The following GNAI2 variants were observed in gnomAD, a reference collection of about 807,000 sequenced individuals.
GNAI2 encodes G protein subunit alpha i2.
Under a neutral mutation model 36.8 loss-of-function variants are expected in GNAI2, and 4 were observed. The ratio of observed to expected loss-of-function variants is 0.11; its 90% CI spans 0.05 to 0.25. GNAI2 has a LOEUF of 0.25. Among genes scored for constraint, GNAI2 ranks in the 10% least tolerant of loss-of-function variants. The pLI, the probability that GNAI2 is intolerant of heterozygous loss-of-function variation, is 1.00. For missense variants in GNAI2, 230 were observed against 481.3 expected (o/e 0.48, Z 4.89); for synonymous variants, 194 against 194.1 (o/e 1.00, Z 0.01).
chr3:50,251,728 T>C, intron 1 of GNAI2: 2 of 1,321,172 alleles, frequency 1.5e-6, no homozygotes, highest in South Asian at 1.2e-5. Context: ...CATATTGGCA[T>C]GCACCAGCTG....
Position 50,236,579 on chromosome 3 carries a change from A to T in GNAI2, c.118+126A>T. On this transcript the variant is annotated intron_variant, in intron 1 of 8. Coordinates refer to ENST00000313601, the MANE Select transcript of GNAI2 (RefSeq NM_002070.4). The surrounding 1 kb of genome is among the most constrained non-coding windows in gnomAD (Gnocchi z 4.0). ...CTGTCTGGGACCCCACACCTGGGCC[A>T]GGACCAGGGTTGAAAACTCTAGATT... 1 of 1,315,838 alleles carries T rather than the reference A, an allele frequency of 7.6e-7. No individual in the cohort carries two copies. The highest frequency in any genetic ancestry group is 1.0e-6 in the Non-Finnish European group (1 of 994,474). The allele number at this position is 1,315,838 out of a possible 1,614,324, so 81.5% of individuals were successfully genotyped here.
chr3:50,258,065 C>A, intron 8 of GNAI2: 1 of 192,372 alleles, frequency 5.2e-6, no homozygotes, highest in Middle Eastern at 2.0e-3. Context: ...CCAGCGGAGC[C>A]CAGCCCTGCT....
chr3:50,249,593 A>G (rs1700507118), intron 1 of GNAI2, among the ~76,000 whole-genome samples: 1 of 152,200 alleles, frequency 6.6e-6, no homozygotes. Flanking sequence ...CCCCAGCCAC[A>G]GCGCCCCAGC....
In GNAI2 at chr3:50,257,548, A is replaced by T; in HGVS notation, c.926A>T (p.Glu309Val). ...GCCAGCTACATCCAGAGTAAGTTTGAGGACCTGAATAAGCGCAAAGACACC... is the reference window on the plus strand; with the variant it reads ...GCCAGCTACATCCAGAGTAAGTTTGTGGACCTGAATAAGCGCAAAGACACC... Reference protein sequence around the residue: ...EAASYIQSKFEDLNKRKDTKE... With the variant: ...EAASYIQSKFVDLNKRKDTKE... The change falls in exon 8 of 9, where the codon GAG becomes GTG. Residue 309 changes from glutamate (E) to valine (V), a missense_variant. By Grantham distance (121) the Glu-to-Val change is moderately radical. This residue lies in a region of GNAI2 where 51 missense variants were observed against 56.7 expected (regional missense o/e 0.90). Coordinates refer to ENST00000313601, the MANE Select transcript of GNAI2 (RefSeq NM_002070.4). 1 of 1,592,406 alleles carries T rather than the reference A, an allele frequency of 6.3e-7. No individual in the cohort carries two copies. Among genetic ancestry groups the T allele is most frequent in the East Asian group, 2.3e-5 (1 of 44,314 alleles).
chr3:50,245,695 A>G (rs754267737), intron 1 of GNAI2, among the ~76,000 whole-genome samples: 30 of 152,162 alleles, frequency 2.0e-4, no homozygotes, highest in Non-Finnish European at 3.8e-4. Flanking sequence ...CCTCCTTTAT[A>G]TCAGGCCAGC....
At chr3:50,248,818 G>T (rs1700480004) in intron 1 of GNAI2, among the ~76,000 whole-genome samples, 2 of 152,118 alleles carry the variant, frequency 1.3e-5, no homozygotes, top group Non-Finnish European at 2.9e-5. Context: ...GAAACTTGAA[G>T]GGGACAGGGA....
upstream of GNAI2, chr3:50,236,152 C>T (rs1700160153): frequency 3.5e-6 from 4 of 1,156,554 alleles, no homozygotes; most frequent in Non-Finnish European, 4.3e-6. This position sits in a 1 kb window ranked among gnomAD's most constrained non-coding sequence, Gnocchi z 4.0. Context: ...CCAGGCCCCA[C>T]CCCCGGCCCG....
At chr3:50,248,680 T>C (rs966275406) in intron 1 of GNAI2, among the ~76,000 whole-genome samples, 29 of 152,190 alleles carry the variant, frequency 1.9e-4, no homozygotes, top group Non-Finnish European at 1.5e-5. Flanking sequence ...GAGACCAGCC[T>C]GAGTCTAGGG....
chr3:50,245,084 C>T (rs985705535), intron 1 of GNAI2, among the ~76,000 whole-genome samples: 15 of 152,036 alleles, frequency 9.9e-5, no homozygotes, highest in African/African-American at 3.6e-4. Context: ...CCACAACCTC[C>T]GCCTCCCAGG....
chr3:50,243,177 G>A (rs958126825), intron 1 of GNAI2, among the ~76,000 whole-genome samples: 36 of 152,332 alleles, frequency 2.4e-4, no homozygotes, highest in South Asian at 8.3e-4. Context: ...TTCTAGTGGC[G>A]GTCACTGAGT....
At chr3:50,256,095 T>G (rs1019125851) in intron 4 of GNAI2, 97 bp from the exon 5 acceptor site, 3 of 346,642 alleles carry the variant, frequency 8.7e-6, no homozygotes, top group South Asian at 3.1e-5. Context: ...GCTTGAGAAA[T>G]GGCATGGGAG....
intron 1 of GNAI2, among the ~76,000 whole-genome samples, chr3:50,243,501 G>T (rs1700344281): frequency 6.6e-6 from 1 of 152,218 alleles, no homozygotes; most frequent in Admixed American, 6.5e-5. Context: ...AAGGATCCCT[G>T]GCCTCAGCCT....
intron 1 of GNAI2, among the ~76,000 whole-genome samples, chr3:50,250,940 G>T (rs139873575): frequency 5.7e-4 from 86 of 152,030 alleles, no homozygotes; most frequent in Admixed American, 9.2e-4. Context: ...CTCCCGAGCC[G>T]CTGGGATTAC....
chr3:50,227,938 G>A (rs750893248), upstream of GNAI2, among the ~76,000 whole-genome samples: 3 of 152,338 alleles, frequency 2.0e-5, no homozygotes, highest in African/African-American at 7.2e-5. The surrounding 1 kb of genome is among the most constrained non-coding windows in gnomAD (Gnocchi z 5.9). Flanking sequence ...GTAGAGAGGT[G>A]CACAAAGGCG....
At chr3:50,229,064 C>G (rs979201437), upstream of GNAI2, 1 of 152,186 alleles carries the variant, frequency 6.6e-6, no homozygotes, top group African/African-American at 2.4e-5. Flanking sequence ...TTTGCTCCTT[C>G]ATTAAATTAA....
rs782645433 is a variant in GNAI2, at chr3:50,253,220, G to A, written c.464+36G>A. The stretch of plus-strand genomic sequence containing the variant: ...TGAGGGGCTGGGCAGGGCAGGGCAG[G>A]GGCTGGGGGAGGACTAAAGGCTGGA... On this transcript the variant is annotated intron_variant, in intron 4 of 8. Coordinates refer to ENST00000313601, the MANE Select transcript of GNAI2 (RefSeq NM_002070.4). The surrounding 1 kb of genome is among the most constrained non-coding windows in gnomAD (Gnocchi z 4.2). 6.4e-7 allele frequency: 1 copy of A among 1,560,630 alleles called. No homozygotes were observed. Among genetic ancestry groups the A allele is most frequent in the Non-Finnish European group, 8.8e-7 (1 of 1,137,494 alleles).
In GNAI2 at chr3:50,256,861, A is replaced by T; in HGVS notation, c.723+9A>T. 6.2e-7 allele frequency: 1 copy of T among 1,614,038 alleles called. No individual in the cohort carries two copies. The highest frequency in any genetic ancestry group is 8.5e-7 in the Non-Finnish European group (1 of 1,179,928). On this transcript the variant is annotated intron_variant, in intron 6 of 8. Coordinates refer to ENST00000313601, the MANE Select transcript of GNAI2 (RefSeq NM_002070.4). The stretch of plus-strand genomic sequence containing the variant: ...CTGAGGACGAGGAGATGGTGAGAGG[A>T]TGAGAGAATGCTGCGGGTGGGGGCA...
intron 5 of GNAI2, 126 bp from the exon 6 acceptor site, chr3:50,256,597 G>C (rs1305728419): frequency 1.4e-5 from 15 of 1,049,654 alleles, no homozygotes; most frequent in Non-Finnish European, 2.1e-5. Flanking sequence ...GGCAAGTGTG[G>C]ATGATTCCAG....
intron 1 of GNAI2, among the ~76,000 whole-genome samples, chr3:50,243,721 C>G (rs1441504142): frequency 5.9e-5 from 9 of 152,226 alleles, no homozygotes; most frequent in Non-Finnish European, 1.3e-4. Context: ...AGCTCAGGGA[C>G]TTTATGCACT....
Sources: allele counts gnomAD v4.1 joint callset (sites outside exome capture counted in the v4.1 genomes callset), GRCh38; gene constraint gnomAD v4.1.1; regional missense constraint gnomAD v4.1.1; non-coding constraint Gnocchi (gnomAD v3.1); transcripts MANE v1.5; gene names NCBI Gene and HGNC (gene_info 2026-07-23, HGNC 2026-07-21).